PIP4K2A: variants seen among roughly 807,000 people sequenced by gnomAD.
PIP4K2A encodes the protein phosphatidylinositol-5-phosphate 4-kinase type 2 alpha, also known as phosphatidylinositol 5-phosphate 4-kinase type-2 alpha.
PIP4K2A carries 14 observed loss-of-function variants against 42.9 expected under a neutral mutation model. The observed-to-expected ratio is 0.33, with a 90% CI of 0.22 to 0.51. The LOEUF (loss-of-function observed/expected upper bound fraction) is 0.51, where lower values mean the gene tolerates loss of function less well. Among genes scored for constraint, PIP4K2A ranks in the 20% least tolerant of loss-of-function variants. The probability of loss-of-function intolerance (pLI) is 0.97; values close to 1 mark genes in which losing one functional copy is unlikely to be tolerated. For missense variants in PIP4K2A, 434 were observed against 519.8 expected (o/e 0.83, Z 1.61); for synonymous variants, 192 against 192.2 (o/e 1.00, Z 0.01).
chr10:22,590,834 C>T (rs1242938090), intron 4 of PIP4K2A, among the ~76,000 whole-genome samples: 3 of 152,210 alleles, frequency 2.0e-5, no homozygotes, highest in African/African-American at 4.8e-5. Flanking sequence ...CACGCCACTG[C>T]ACTTCAACCT....
Position 22,711,038 on chromosome 10 carries a change from A to C in PIP4K2A, c.144+3145T>G, listed in dbSNP as rs181808262. On this transcript the variant is annotated intron_variant, in intron 1 of 9. Transcript: ENST00000376573. ...TTTTTAGTTTAATTCTAAATGTAAC[A>C]AGACAAAACTGCCTTAAGTCTTTTC... is the stretch of plus-strand genomic sequence containing the variant. Among the ~76,000 whole-genome samples, 11 of 152,354 alleles carry C rather than the reference A, an allele frequency of 7.2e-5. No homozygotes were observed. In the East Asian group the frequency reaches 2.1e-3, roughly 29 times the overall value.
At position 22,601,159 on chromosome 10, in the gene PIP4K2A, A is replaced by AC. The variant is rs1163165758; in HGVS notation, c.339+6767_339+6768insG. 8.7e-3 allele frequency among the ~76,000 whole-genome samples: 1,099 copies of AC among 125,956 alleles called. 13 individuals carry two copies. The highest frequency in any genetic ancestry group is 0.015 in the Non-Finnish European group (867 of 57,270). The allele number at this position is 125,956 out of a possible 152,430, so 82.6% of individuals were successfully genotyped here. ...AAAAAAAAAAAAAAAAAAAAAAAAAAAAAACAAACCAGGAACATGTCCCCA... is the reference window on the plus strand; with the variant it reads ...AAAAAAAAAAAAAAAAAAAAAAAAAACAAAACAAACCAGGAACATGTCCCCA... On this transcript the variant is annotated intron_variant, in intron 3 of 9. Coordinates refer to ENST00000376573, the MANE Select transcript of PIP4K2A (RefSeq NM_005028.5).
At chr10:22,682,834 T>G (rs1348344323) in intron 1 of PIP4K2A, among the ~76,000 whole-genome samples, 1 of 152,150 alleles carries the variant, frequency 6.6e-6, no homozygotes, top group African/African-American at 2.4e-5. Context: ...TGGGAACACT[T>G]GGTAATTGCA....
chr10:22,603,185 C>G (rs1410196098), intron 3 of PIP4K2A, among the ~76,000 whole-genome samples: 1 of 152,074 alleles, frequency 6.6e-6, no homozygotes, highest in Non-Finnish European at 1.5e-5. Context: ...GAAAGGGCAT[C>G]AGATGTCAAT....
At chr10:22,693,819 A>G (rs552815638) in intron 1 of PIP4K2A, 2 of 150,388 alleles carry the variant, frequency 1.3e-5, no homozygotes, top group African/African-American at 2.4e-5. Flanking sequence ...AGGGATTAGG[A>G]AAAAAAAAAT....
rs542871907 is a variant in PIP4K2A at position 22,654,813 on chromosome 10, T to C, written c.145-45096A>G. Reference sequence around the variant, plus strand: ...CTATATCTCAAGGCAGCAAATGAGATGTGTGCGACTGCTTTGAAACCTATG... The same window carrying C: ...CTATATCTCAAGGCAGCAAATGAGACGTGTGCGACTGCTTTGAAACCTATG... On this transcript the variant is annotated intron_variant, in intron 1 of 9. Coordinates refer to ENST00000376573, the MANE Select transcript of PIP4K2A (RefSeq NM_005028.5). Among the ~76,000 whole-genome samples, 4 of 152,298 alleles carry C rather than the reference T, an allele frequency of 2.6e-5. No individual in the cohort carries two copies. In the East Asian group the frequency reaches 7.7e-4, roughly 29 times the overall value.
intron 1 of PIP4K2A, among the ~76,000 whole-genome samples, chr10:22,671,991 A>G (rs1236332902): frequency 6.6e-6 from 1 of 152,200 alleles, no homozygotes; most frequent in African/African-American, 2.4e-5. Flanking sequence ...AGTCTAAGTC[A>G]AAGCTATTAG....
intron 1 of PIP4K2A, among the ~76,000 whole-genome samples, chr10:22,652,122 A>AT (rs35572224): frequency 0.27 from 39,879 of 147,262 alleles, 5,576 homozygotes; most frequent in Non-Finnish European, 0.31. Flanking sequence ...CTGCACACAA[A>AT]TTTTTTTTTT....
In PIP4K2A at chr10:22,570,696, TATA is replaced by T. The variant is rs1209176437; in HGVS notation, c.639+2612_639+2614del. On this transcript the variant is annotated intron_variant, in intron 5 of 9. Transcript: ENST00000376573. ...AACTATACAAAGCCAAAACTATTTT[TATA>T]ATAATACTGAGAAATTATTTGCCTT... 3.9e-5 allele frequency among the ~76,000 whole-genome samples: 6 copies of T among 152,354 alleles called. No individual in the cohort carries two copies. The East Asian group carries it at 1.2e-3, about 29-fold the overall frequency.
chr10:22,650,365 C>T (rs891304980), intron 1 of PIP4K2A, among the ~76,000 whole-genome samples: 1 of 152,170 alleles, frequency 6.6e-6, no homozygotes, highest in Non-Finnish European at 1.5e-5. Context: ...AAGGGATCCT[C>T]CAGCCTCAGC....
At chr10:22,616,189 G>A (rs886301516) in intron 1 of PIP4K2A, among the ~76,000 whole-genome samples, 8 of 152,172 alleles carry the variant, frequency 5.3e-5, no homozygotes, top group Non-Finnish European at 7.3e-5. Context: ...GTGGGGGCAG[G>A]GGAGAGAGCA....
Position 22,549,795 on chromosome 10 carries a change from C to T in PIP4K2A, c.792+864G>A, listed in dbSNP as rs555894447. ...GGCAGAGCTTGCAGTGAGCCGAGAT[C>T]GCGCCACTGCACTCCAGCCTAGAAG... is the stretch of plus-strand genomic sequence containing the variant. On this transcript the variant is annotated intron_variant, in intron 7 of 9. Transcript: ENST00000376573. Among the ~76,000 whole-genome samples, 12 of 128,890 alleles carry T rather than the reference C, an allele frequency of 9.3e-5. No homozygotes were observed. The South Asian group carries it at 1.3e-3, about 14-fold the overall frequency. 84.6% of individuals were successfully genotyped at this position (128,890 alleles called of 152,430 possible).
intron 3 of PIP4K2A, among the ~76,000 whole-genome samples, chr10:22,598,434 G>A (rs1208204796): frequency 6.6e-6 from 1 of 152,170 alleles, no homozygotes. Context: ...TTTCCTAAAG[G>A]CCTCAATAAT....
At chr10:22,556,450 C>A (rs1273274111) in intron 6 of PIP4K2A, among the ~76,000 whole-genome samples, 1 of 152,182 alleles carries the variant, frequency 6.6e-6, no homozygotes, top group African/African-American at 2.4e-5. Context: ...AAAAATTGGA[C>A]TGGTTAAATT....
At chr10:22,593,433 TTAGA>T (rs1370614221) in intron 3 of PIP4K2A, among the ~76,000 whole-genome samples, 1 of 152,260 alleles carries the variant, frequency 6.6e-6, no homozygotes, top group African/African-American at 2.4e-5. Context: ...CTAAAATTTA[TTAGA>T]TAGACTGAGA....
chr10:22,638,314 C>T (rs1838709758), intron 1 of PIP4K2A, among the ~76,000 whole-genome samples: 1 of 152,196 alleles, frequency 6.6e-6, no homozygotes, highest in African/African-American at 2.4e-5. Context: ...ACACTCTCCC[C>T]TTTCTTTGAA....
chr10:22,654,281 C>T (rs1420869832), intron 1 of PIP4K2A, among the ~76,000 whole-genome samples: 1 of 152,124 alleles, frequency 6.6e-6, no homozygotes, highest in African/African-American at 2.4e-5. Context: ...GAGCTGGACA[C>T]TCACTCAGAT....
At chr10:22,617,853 A>C (rs1838211574) in intron 1 of PIP4K2A, among the ~76,000 whole-genome samples, 1 of 152,180 alleles carries the variant, frequency 6.6e-6, no homozygotes, top group East Asian at 1.9e-4. Context: ...AGATTGAAAA[A>C]GGGCTCACTT....
In PIP4K2A at chr10:22,542,059, G is replaced by A. The variant is rs759547561; in HGVS notation, c.793-12C>T. On this transcript the variant is annotated splice_polypyrimidine_tract_variant and intron_variant, in intron 7 of 9. Transcript: ENST00000376573. ...AGCTGGGCCAGAAACTGGGGACAGAGGCAACAGGGTGAGTCAGCCACACCT... is the reference window on the plus strand; with the variant it reads ...AGCTGGGCCAGAAACTGGGGACAGAAGCAACAGGGTGAGTCAGCCACACCT... The A allele has an allele frequency of 5.6e-6, 9 of 1,598,694 alleles. 1 individual carries two copies. The highest frequency in any genetic ancestry group is 2.3e-5 in the South Asian group (2 of 88,348).
Sources: allele counts gnomAD v4.1 joint callset (sites outside exome capture counted in the v4.1 genomes callset), GRCh38; gene constraint gnomAD v4.1.1; transcripts MANE v1.5; gene names NCBI Gene and HGNC (gene_info 2026-07-23, HGNC 2026-07-21).